Variants in PPP2R1B observed in about 807,000 individuals in gnomAD.
PPP2R1B encodes protein phosphatase 2 scaffold subunit Abeta.
Under a neutral mutation model 72.7 loss-of-function variants are expected in PPP2R1B, and 58 were observed. The ratio of observed to expected loss-of-function variants is 0.80; its 90% CI spans 0.65 to 0.99. The LOEUF is 0.99. PPP2R1B is among the 50% of genes least tolerant of loss of function. The pLI, the probability that PPP2R1B is intolerant of heterozygous loss-of-function variation, is 0.00. For synonymous variants in PPP2R1B, 256 were observed against 264.6 expected (o/e 0.97, Z 0.32); for missense variants, 695 against 733.6 (o/e 0.95, Z 0.61).
the PPP2R1B span, among the ~76,000 whole-genome samples, chr11:111,709,260 A>G: frequency 2.0e-5 from 3 of 152,060 alleles, no homozygotes; most frequent in Non-Finnish European, 1.5e-5. Context: ...CTCCTCTTAT[A>G]AGGATACCCG....
At chr11:111,689,966 TTGTG>T in the PPP2R1B span, among the ~76,000 whole-genome samples, 7 of 143,168 alleles carry the variant, frequency 4.9e-5, no homozygotes, top group Non-Finnish European at 7.5e-5. Flanking sequence ...TTATATTCAT[TTGTG>T]TGTGTGTGTA....
intron 15 of PPP2R1B, among the ~76,000 whole-genome samples, chr11:111,732,374 C>G: frequency 6.6e-6 from 1 of 152,302 alleles, no homozygotes. Context: ...AAGTTAGGAA[C>G]CCCTGACTCA....
chr11:111,748,903 GT>G (rs1555047102), intron 10 of PPP2R1B, among the ~76,000 whole-genome samples: 1 of 151,892 alleles, frequency 6.6e-6, no homozygotes, highest in African/African-American at 2.4e-5. Context: ...CTGGAGTACA[GT>G]GGCACAATCT....
intron 3 of PPP2R1B, among the ~76,000 whole-genome samples, chr11:111,763,241 G>T (rs1344695259): frequency 6.6e-6 from 1 of 152,188 alleles, no homozygotes; most frequent in East Asian, 1.9e-4. Flanking sequence ...TAATGAGCTT[G>T]GTTAGTTCAA....
At chr11:111,757,937 C>T (rs1945184931) in intron 5 of PPP2R1B, among the ~76,000 whole-genome samples, 12 of 152,088 alleles carry the variant, frequency 7.9e-5, no homozygotes, top group Admixed American at 7.9e-4. Context: ...ATGACACCAT[C>T]ATCCACCCAG....
intron 8 of PPP2R1B, 84 bp from the exon 9 acceptor site, chr11:111,753,661 C>G (rs1221355869): frequency 1.3e-5 from 19 of 1,431,162 alleles, no homozygotes; most frequent in Non-Finnish European, 1.7e-5. Flanking sequence ...GAGTCTTGCT[C>G]TGTTGCCCAG....
At chr11:111,696,892 C>G in the PPP2R1B span, among the ~76,000 whole-genome samples, 1 of 152,176 alleles carries the variant, frequency 6.6e-6, no homozygotes, top group African/African-American at 2.4e-5. Flanking sequence ...TTCATTCCCC[C>G]CCTACTCACC....
downstream of PPP2R1B, chr11:111,735,289 G>A (rs898020745): frequency 2.0e-5 from 3 of 152,174 alleles, no homozygotes; most frequent in Non-Finnish European, 2.9e-5. Flanking sequence ...ACCTGGGCTC[G>A]GCATGGAGAC....
chr11:111,723,360 C>T, downstream of PPP2R1B: 1 of 924,412 alleles, frequency 1.1e-6, no homozygotes. Context: ...CAATTGGTTC[C>T]CATTCCCACT....
rs116572596 is a variant in PPP2R1B, at chr11:111,755,444, C to G, written c.694G>C (p.Val232Leu). The G allele has an allele frequency of 2.1e-5, 34 of 1,601,992 alleles. No homozygotes were observed. Among genetic ancestry groups the G allele is most frequent in the Non-Finnish European group, 2.7e-5 (32 of 1,176,826 alleles). Residue 232 changes from valine (V) to leucine (L), a missense_variant, in exon 6 of 15, where the codon GTG becomes CTG. Transcript: ENST00000527614. ...CAAGCTTCCACAGCAAGGAGGCGCA[C>G]TGAATCCTAAAGGAACAAAATTTCT... is the stretch of plus-strand genomic sequence containing the variant. ...TSLASDEQDS[V>L]RLLAVEACVS...
At chr11:111,752,032 A>G in intron 10 of PPP2R1B, 127 bp downstream of exon 10, 1 of 1,049,136 alleles carries the variant, frequency 9.5e-7, no homozygotes, top group South Asian at 2.0e-5. Flanking sequence ...ATAGGTAACA[A>G]GAACAAGGCC....
the PPP2R1B span, chr11:111,720,423 T>C: frequency 3.3e-6 from 5 of 1,504,206 alleles, no homozygotes. Context: ...TTGTACCCTA[T>C]GTTCCAAGGA....
At chr11:111,703,550 A>G in the PPP2R1B span, 589 of 736,058 alleles carry the variant, frequency 8.0e-4, 4 homozygotes, top group African/African-American at 9.4e-3. Flanking sequence ...AGTGTTCCCT[A>G]TAGATGACAT....
the PPP2R1B span, among the ~76,000 whole-genome samples, chr11:111,701,280 A>G: frequency 6.6e-6 from 1 of 152,214 alleles, no homozygotes; most frequent in Non-Finnish European, 1.5e-5. This position sits in a 1 kb window ranked among gnomAD's most constrained non-coding sequence, Gnocchi z 4.2. Context: ...TTATTATAAG[A>G]TACTTATTGT....
chr11:111,740,710 G>C lies in PPP2R1B; in HGVS notation c.*886C>G, dbSNP rs1225214796. 1 of 985,360 alleles carries C rather than the reference G, an allele frequency of 1.0e-6. No individual in the cohort carries two copies. Among genetic ancestry groups the C allele is most frequent in the Non-Finnish European group, 1.2e-6 (1 of 829,888 alleles). The allele number at this position is 985,360 out of a possible 1,614,324, so 61.0% of individuals were successfully genotyped here. ...CTACTGTACAATGCAGCAAGGACTA[G>C]GTGTCAATACTGCTGGAAGCAGAGC... On this transcript the variant is annotated 3_prime_UTR_variant, in exon 15 of 15. Coordinates refer to ENST00000527614, the MANE Select transcript of PPP2R1B (RefSeq NM_002716.5).
downstream of PPP2R1B, chr11:111,723,827 C>A (rs147750033): frequency 1.7e-5 from 28 of 1,613,384 alleles, no homozygotes; most frequent in African/African-American, 3.3e-4. Flanking sequence ...GCCACCGCCA[C>A]CACCCCCTCC....
chr11:111,731,679 G>A (rs1200235068), intron 15 of PPP2R1B, among the ~76,000 whole-genome samples: 1 of 152,222 alleles, frequency 6.6e-6, no homozygotes, highest in Non-Finnish European at 1.5e-5. Context: ...GGTGCAGTCG[G>A]CAGGGCCCAC....
chr11:111,721,869 C>T, the PPP2R1B span: 11 of 1,612,854 alleles, frequency 6.8e-6, no homozygotes, highest in African/African-American at 1.5e-4. Flanking sequence ...CTCCACTCTC[C>T]CTGCCAGCGT....
At position 111,739,807 on chromosome 11, in the gene PPP2R1B, T is replaced by G. The variant is rs1425556149; in HGVS notation, c.*1789A>C. On this transcript the variant is annotated 3_prime_UTR_variant, in exon 15 of 15. Coordinates refer to ENST00000527614, the MANE Select transcript of PPP2R1B (RefSeq NM_002716.5). ...TTAAAATGTTTACAGAATAATAGCA[T>G]AAGATATTAAAATGAGAATATAGAA... 1.0e-6 allele frequency: 1 copy of G among 968,548 alleles called. No homozygotes were observed. Among genetic ancestry groups the G allele is most frequent in the African/African-American group, 1.8e-5 (1 of 56,816 alleles). 60.0% of individuals were successfully genotyped at this position (968,548 alleles called of 1,614,324 possible).
Sources: allele counts gnomAD v4.1 joint callset (sites outside exome capture counted in the v4.1 genomes callset), GRCh38; gene constraint gnomAD v4.1.1; non-coding constraint Gnocchi (gnomAD v3.1); transcripts MANE v1.5; gene names NCBI Gene and HGNC (gene_info 2026-07-23, HGNC 2026-07-21).